MSI2: variants seen among roughly 807,000 people sequenced by gnomAD.
MSI2 encodes the protein musashi RNA binding protein 2.
In MSI2, 17 loss-of-function variants were observed where a neutral mutation model predicts 45.6. The ratio of observed to expected loss-of-function variants is 0.37; its 90% CI spans 0.26 to 0.56. The LOEUF (loss-of-function observed/expected upper bound fraction) is 0.56, where lower values mean the gene tolerates loss of function less well. MSI2 is among the 20% of genes least tolerant of loss of function. The pLI is 0.77. For synonymous variants in MSI2, 156 were observed against 158.2 expected, an observed-to-expected ratio of 0.99 and a Z score of 0.11; for missense variants, 293 against 444.2, an observed-to-expected ratio of 0.66 and a Z score of 3.06.
chr17:57,581,801 A>G (rs982470291), intron 7 of MSI2, among the ~76,000 whole-genome samples: 10 of 152,252 alleles, frequency 6.6e-5, no homozygotes, highest in African/African-American at 2.2e-4. Context: ...TTAATTAACA[A>G]TATGATAAAA....
chr17:57,631,976 ATTT>A, intron 10 of MSI2: 1 of 1,439,516 alleles, frequency 6.9e-7, no homozygotes, highest in Non-Finnish European at 9.1e-7. Context: ...TCTTTTTCTC[ATTT>A]TTAATTCTTG....
In MSI2 at chr17:57,324,558, A is replaced by G. The variant is rs184552469; in HGVS notation, c.312+62366A>G. ...TGTTGGCCCATGGATACTTATATCT[A>G]TGTCACCAGCTGACACCTCTCTTCT... On this transcript the variant is annotated intron_variant, in intron 5 of 13. Coordinates refer to ENST00000284073, the MANE Select transcript of MSI2 (RefSeq NM_138962.4). Among the ~76,000 whole-genome samples, 412 of 152,266 alleles carry G rather than the reference A, an allele frequency of 2.7e-3. 1 individual carries two copies. Among genetic ancestry groups the G allele is most frequent in the Non-Finnish European group, 4.0e-3 (274 of 68,022 alleles).
At chr17:57,684,783 T>A (rs1322365269), downstream of MSI2, 1 of 151,982 alleles carries the variant, frequency 6.6e-6, no homozygotes, top group East Asian at 1.9e-4. Flanking sequence ...AAATCGCACC[T>A]GCCACCCTCA....
rs71139995 is a variant in MSI2, at chr17:57,440,413, CGTGTGTGTGTGTGTGTGT to C, written c.405+38979_405+38996del. On this transcript the variant is annotated intron_variant, in intron 6 of 13. Coordinates refer to ENST00000284073, the MANE Select transcript of MSI2 (RefSeq NM_138962.4). ...ACAGTCTTACCTGGGGTTTGTTATC[CGTGTGTGTGTGTGTGTGT>C]GTGTGTGTGTGTGTGTGTGTGTGTG... Among the ~76,000 whole-genome samples the C allele has an allele frequency of 9.6e-3, 999 of 104,592 alleles. 11 individuals are homozygous for C. The highest frequency in any genetic ancestry group is 0.034 in the African/African-American group (906 of 26,500). The allele number at this position is 104,592 out of a possible 152,430, so 68.6% of individuals were successfully genotyped here.
intron 5 of MSI2, among the ~76,000 whole-genome samples, chr17:57,340,831 C>T (rs1157926024): frequency 2.0e-5 from 3 of 152,160 alleles, no homozygotes; most frequent in Non-Finnish European, 2.9e-5. Flanking sequence ...TTCTTATCAG[C>T]GCATCTGAGC....
At chr17:57,368,187 G>T (rs1269569997) in intron 5 of MSI2, among the ~76,000 whole-genome samples, 1 of 152,128 alleles carries the variant, frequency 6.6e-6, no homozygotes, top group Non-Finnish European at 1.5e-5. Flanking sequence ...TTTTTCATAG[G>T]CTACATGACC....
At chr17:57,259,422 C>A (rs1321357251) in intron 4 of MSI2, among the ~76,000 whole-genome samples, 2 of 152,336 alleles carry the variant, frequency 1.3e-5, no homozygotes, top group East Asian at 3.9e-4. Flanking sequence ...GGTGATCTTT[C>A]AAGCCCCTTT....
At chr17:57,297,541 C>T (rs905263510) in intron 5 of MSI2, among the ~76,000 whole-genome samples, 1 of 152,152 alleles carries the variant, frequency 6.6e-6, no homozygotes, top group Non-Finnish European at 1.5e-5. Flanking sequence ...GCTGACTGAT[C>T]AGGGTGGTGG....
At chr17:57,442,655 G>T (rs1292511340) in intron 6 of MSI2, among the ~76,000 whole-genome samples, 1 of 152,154 alleles carries the variant, frequency 6.6e-6, no homozygotes, top group East Asian at 1.9e-4. Context: ...GATGAGACTG[G>T]ATGAAAATCA....
At chr17:57,571,006 C>T (rs2087862683) in intron 7 of MSI2, among the ~76,000 whole-genome samples, 1 of 152,204 alleles carries the variant, frequency 6.6e-6, no homozygotes, top group Admixed American at 6.5e-5. Context: ...GCCTGAGCCA[C>T]AGGTGGGCTC....
At chr17:57,643,377 T>G (rs151265840) in intron 10 of MSI2, among the ~76,000 whole-genome samples, 1 of 152,340 alleles carries the variant, frequency 6.6e-6, no homozygotes, top group African/African-American at 2.4e-5. Flanking sequence ...AGAATCTGTT[T>G]GCCAAAAACA....
At chr17:57,685,980 A>G (rs1023321576), downstream of MSI2, among the ~76,000 whole-genome samples, 5 of 152,220 alleles carry the variant, frequency 3.3e-5, no homozygotes, top group African/African-American at 4.8e-5. Context: ...AGCACCAACT[A>G]TATGCCAAGT....
At chr17:57,607,894 C>G (rs576611585) in intron 8 of MSI2, among the ~76,000 whole-genome samples, 1 of 152,038 alleles carries the variant, frequency 6.6e-6, no homozygotes. Context: ...TAAGCAACTC[C>G]GAGTAAGAGC....
At chr17:57,302,677 A>G (rs1324085862) in intron 5 of MSI2, among the ~76,000 whole-genome samples, 5 of 152,232 alleles carry the variant, frequency 3.3e-5, no homozygotes, top group African/African-American at 1.2e-4. Context: ...GGGAGTGTCT[A>G]TTAGCTTGCA....
At chr17:57,620,021 C>T (rs1289099242) in intron 9 of MSI2, among the ~76,000 whole-genome samples, 3 of 152,176 alleles carry the variant, frequency 2.0e-5, no homozygotes, top group African/African-American at 7.2e-5. Context: ...CAGCCCAACC[C>T]CAGGTCACAG....
chr17:57,694,772 C>G, the MSI2 span, among the ~76,000 whole-genome samples: 1 of 152,162 alleles, frequency 6.6e-6, no homozygotes, highest in Non-Finnish European at 1.5e-5. Context: ...TTTAACCAGA[C>G]TTAAGTTCCA....
intron 7 of MSI2, chr17:57,532,037 G>A (rs4793863): frequency 0.088 from 13,394 of 152,518 alleles, 737 homozygotes; most frequent in Middle Eastern, 0.14. Context: ...GAATGGCTTC[G>A]GGACATCATT....
rs1164378564 is a variant in MSI2, at chr17:57,608,685, G to A, written c.538-7285G>A. ...ATTGTTGGTCAAAGGACCCCTTGTC[G>A]TCTTTTTGTCATGGGCCCTGTTCGT... On this transcript the variant is annotated intron_variant, in intron 8 of 13. Coordinates refer to ENST00000284073, the MANE Select transcript of MSI2 (RefSeq NM_138962.4). Among the ~76,000 whole-genome samples the A allele has an allele frequency of 5.9e-5, 9 of 152,344 alleles. 1 individual carries two copies. The highest frequency in any genetic ancestry group is 6.5e-5 in the Admixed American group (1 of 15,294).
At chr17:57,394,993 T>C (rs1261537040) in intron 5 of MSI2, among the ~76,000 whole-genome samples, 1 of 152,198 alleles carries the variant, frequency 6.6e-6, no homozygotes, top group Non-Finnish European at 1.5e-5. Context: ...GAAATCAAAG[T>C]GTCAGCAGGA....
Sources: gnomAD v4.1 joint callset for allele counts (sites outside exome capture counted in the v4.1 genomes callset) on GRCh38, gnomAD v4.1.1 for gene constraint, MANE v1.5 for transcripts, NCBI Gene and HGNC (gene_info 2026-07-23, HGNC 2026-07-21) for gene names.